TTC28: variants seen among roughly 807,000 people sequenced by gnomAD.
TTC28 encodes the protein tetratricopeptide repeat domain 28, also known as tetratricopeptide repeat protein 28.
In TTC28, 61 loss-of-function variants were observed where a neutral mutation model predicts 198.0. The observed-to-expected ratio is 0.31, with a 90% CI of 0.25 to 0.38. TTC28 has a LOEUF of 0.38. Among genes scored for constraint, TTC28 ranks in the 10% least tolerant of loss-of-function variants. The probability of loss-of-function intolerance (pLI) is 1.00; values close to 1 mark genes in which losing one functional copy is unlikely to be tolerated. For synonymous variants in TTC28, 1,171 were observed against 1,297.8 expected (o/e 0.90, Z 2.10); for missense variants, 2,678 against 3,164.0 (o/e 0.85, Z 3.69).
intron 5 of TTC28, among the ~76,000 whole-genome samples, chr22:28,187,233 A>G (rs1384571057): frequency 1.3e-5 from 2 of 152,202 alleles, no homozygotes; most frequent in Non-Finnish European, 2.9e-5. Flanking sequence ...CTTCTTATCT[A>G]TAGAGAAATG....
intron 2 of TTC28, among the ~76,000 whole-genome samples, chr22:28,502,707 T>C (rs1186502219): frequency 2.0e-5 from 3 of 151,816 alleles, no homozygotes; most frequent in African/African-American, 7.3e-5. Flanking sequence ...TCTAAAGAGC[T>C]TTCCTCAAGA....
At chr22:28,629,924 C>T (rs988078512) in intron 1 of TTC28, 94 bp from the exon 2 acceptor site, 10 of 1,144,450 alleles carry the variant, frequency 8.7e-6, no homozygotes, top group African/African-American at 3.1e-5. Context: ...TCCAGTTGCA[C>T]ATTAAAATGT....
chr22:28,442,349 G>T (rs1292348812), intron 2 of TTC28, among the ~76,000 whole-genome samples: 1 of 152,250 alleles, frequency 6.6e-6, no homozygotes, highest in South Asian at 2.1e-4. Flanking sequence ...AGGCGCTCAG[G>T]CAGGAGGCCT....
At chr22:28,399,701 GATA>G (rs1460870770) in intron 2 of TTC28, among the ~76,000 whole-genome samples, 1 of 152,096 alleles carries the variant, frequency 6.6e-6, no homozygotes, top group Non-Finnish European at 1.5e-5. Flanking sequence ...TCAGTTCAAA[GATA>G]ATAAGTTTTT....
At chr22:28,082,771 G>A (rs895247174) in intron 12 of TTC28, among the ~76,000 whole-genome samples, 2 of 152,104 alleles carry the variant, frequency 1.3e-5, no homozygotes, top group Non-Finnish European at 2.9e-5. Context: ...AAATGAATTT[G>A]TAATGTTCTT....
rs553338841 is a variant in TTC28 at position 28,337,554 on chromosome 22, T to G, written c.382-30911A>C. On this transcript the variant is annotated intron_variant, in intron 2 of 22. Transcript: ENST00000397906. ...TTGGGTGCATATGTATTTAGGATAG[T>G]TAGCTCTTCTTGTTGAATTGATCCC... 5.9e-5 allele frequency among the ~76,000 whole-genome samples: 9 copies of G among 152,378 alleles called. No homozygotes were observed. The South Asian group carries it at 1.9e-3, about 32-fold the overall frequency.
chr22:28,413,509 A>G, intron 2 of TTC28, among the ~76,000 whole-genome samples: 1 of 152,124 alleles, frequency 6.6e-6, no homozygotes, highest in Non-Finnish European at 1.5e-5. Flanking sequence ...AAGCAATAAA[A>G]TTGGATTTTA....
chr22:28,058,609 G>A (rs1165433177), intron 12 of TTC28, among the ~76,000 whole-genome samples: 3 of 151,948 alleles, frequency 2.0e-5, no homozygotes, highest in African/African-American at 7.2e-5. Context: ...GTTAGGTTTT[G>A]GTATTAGGGT....
At position 27,999,104 on chromosome 22, in the gene TTC28, C is replaced by T. The variant is rs971584065; in HGVS notation, c.4555G>A (p.Gly1519Ser). The change falls in exon 16 of 23, where the codon GGC (glycine) becomes AGC (serine). Residue 1519 changes from glycine (G) to serine (S), a missense_variant. By Grantham distance (56) the Gly-to-Ser change is moderately conservative (BLOSUM62 0). Around this residue, in one of 8 missense-constraint regions of TTC28, gnomAD observed 727 missense variants for 861.9 expected, o/e 0.84. Coordinates refer to ENST00000397906, the MANE Select transcript of TTC28 (RefSeq NM_001145418.2). ...EEAYMVSELLGCQPLVGSVAT... is the reference protein window; with the variant it reads ...EEAYMVSELLSCQPLVGSVAT... ...ACACTGCCCACTAGGGGCTGGCAGC[C>T]CAGCAGCTCGGACACCATGTAGGCC... The T allele has an allele frequency of 6.4e-7, 1 of 1,550,604 alleles. No individual in the cohort carries two copies.
intron 5 of TTC28, among the ~76,000 whole-genome samples, chr22:28,192,916 A>G (rs950789550): frequency 6.6e-6 from 1 of 152,202 alleles, no homozygotes; most frequent in Non-Finnish European, 1.5e-5. Context: ...GCAGGCCAAC[A>G]TTCAAATTCA....
intron 6 of TTC28, among the ~76,000 whole-genome samples, chr22:28,158,568 C>T (rs8140117): frequency 1.3e-5 from 2 of 152,064 alleles, no homozygotes; most frequent in African/African-American, 2.4e-5. Context: ...AACAGACACA[C>T]AGACCAATGG....
At chr22:28,035,244 T>C (rs914497616) in intron 12 of TTC28, among the ~76,000 whole-genome samples, 3 of 151,982 alleles carry the variant, frequency 2.0e-5, no homozygotes, top group African/African-American at 7.2e-5. Flanking sequence ...GACCAACCAA[T>C]TGCAACCCTG....
chr22:28,630,303 T>C (rs897737001), intron 1 of TTC28, among the ~76,000 whole-genome samples: 4 of 152,180 alleles, frequency 2.6e-5, no homozygotes, highest in Non-Finnish European at 5.9e-5. Flanking sequence ...CTTATTTTTT[T>C]TCAGATGAGG....
intron 2 of TTC28, among the ~76,000 whole-genome samples, chr22:28,549,310 T>A (rs1340037493): frequency 6.6e-6 from 1 of 152,198 alleles, no homozygotes; most frequent in Non-Finnish European, 1.5e-5. Context: ...ATTACAGGTG[T>A]GAGCCACCAT....
At chr22:28,378,186 A>T (rs2046441059) in intron 2 of TTC28, among the ~76,000 whole-genome samples, 1 of 152,054 alleles carries the variant, frequency 6.6e-6, no homozygotes, top group Admixed American at 6.6e-5. Flanking sequence ...CTACTAAAAA[A>T]TACAAGAACA....
rs1445333106 is a variant in TTC28, at chr22:27,983,058, A to G, written c.6609T>C (p.Thr2203=). The G allele has an allele frequency of 1.9e-6, 3 of 1,551,616 alleles. No homozygotes were observed. The highest frequency in any genetic ancestry group is 2.6e-6 in the Non-Finnish European group (3 of 1,146,992). ...TGGTTTCTGACGCTCTGAAGACAGC[A>G]GTGCTGCTGGGCGCCTGAACGCCGT... ...PEDGVQAPSS[T]AVFRASETSA... is the part of the protein sequence containing the mutation. Residue 2203 remains threonine (T), a synonymous_variant, in exon 23 of 23, where the codon ACT becomes ACC. Coordinates refer to ENST00000397906, the MANE Select transcript of TTC28 (RefSeq NM_001145418.2).
At chr22:27,989,586 A>G (rs1246868092) in intron 21 of TTC28, among the ~76,000 whole-genome samples, 2 of 152,088 alleles carry the variant, frequency 1.3e-5, no homozygotes, top group Admixed American at 1.3e-4. Context: ...AACTGAGACT[A>G]CAGGCATGCA....
intron 5 of TTC28, among the ~76,000 whole-genome samples, chr22:28,193,540 C>T (rs184129772): frequency 6.6e-6 from 1 of 152,088 alleles, no homozygotes; most frequent in East Asian, 1.9e-4. Flanking sequence ...TTCAGGAGAC[C>T]CATCTCACGT....
chr22:28,435,914 T>C (rs2047512671), intron 2 of TTC28, among the ~76,000 whole-genome samples: 1 of 152,224 alleles, frequency 6.6e-6, no homozygotes, highest in Non-Finnish European at 1.5e-5. Context: ...CATGATCAGT[T>C]GTGAGCTGTG....
Sources: allele counts gnomAD v4.1 joint callset (sites outside exome capture counted in the v4.1 genomes callset), GRCh38; gene constraint gnomAD v4.1.1; regional missense constraint gnomAD v4.1.1; transcripts MANE v1.5; gene names NCBI Gene and HGNC (gene_info 2026-07-23, HGNC 2026-07-21).